The following KIAA0232 variants were observed in gnomAD, a reference collection of about 807,000 sequenced individuals.
The protein encoded by KIAA0232 is uncharacterized protein KIAA0232.
KIAA0232 carries 27 observed loss-of-function variants against 122.0 expected under a neutral mutation model. The observed-to-expected ratio is 0.22, with a 90% CI of 0.16 to 0.31. The LOEUF (loss-of-function observed/expected upper bound fraction) is 0.31, where lower values mean the gene tolerates loss of function less well. Among genes scored for constraint, KIAA0232 ranks in the 10% least tolerant of loss-of-function variants. The pLI, the probability that KIAA0232 is intolerant of heterozygous loss-of-function variation, is 1.00. For synonymous variants in KIAA0232, 613 were observed against 587.6 expected (o/e 1.04, Z -0.63); for missense variants, 1,551 against 1,634.2 (o/e 0.95, Z 0.88).
chr4:6,878,160 A>G lies in KIAA0232; in HGVS notation c.4008+1403A>G, dbSNP rs530418680. Among the ~76,000 whole-genome samples the G allele has an allele frequency of 4.6e-5, 7 of 152,330 alleles. No individual in the cohort carries two copies. The South Asian group carries it at 1.4e-3, about 32-fold the overall frequency. ...AAGGCCAAGGTGGGCAGATCACCTG[A>G]GGTCAGGAGTTCAAGACCAGCCTGG... On this transcript the variant is annotated intron_variant, in intron 9 of 9. Transcript: ENST00000307659.
intron 4 of KIAA0232, among the ~76,000 whole-genome samples, chr4:6,851,562 G>A (rs573378867): frequency 2.1e-3 from 322 of 151,582 alleles, no homozygotes; most frequent in African/African-American, 7.1e-3. Context: ...AAAAACAAAA[G>A]AAAAGCCAAG....
chr4:6,810,881 A>G (rs1179557491), intron 2 of KIAA0232, among the ~76,000 whole-genome samples: 1 of 152,218 alleles, frequency 6.6e-6, no homozygotes. Context: ...CCAGAATGAG[A>G]TGTCATCTTA....
At chr4:6,858,080 T>C (rs1333624222) in intron 5 of KIAA0232, among the ~76,000 whole-genome samples, 2 of 152,228 alleles carry the variant, frequency 1.3e-5, no homozygotes, top group Non-Finnish European at 2.9e-5. Flanking sequence ...GTGTAGAATT[T>C]TGTGAGAAAA....
At chr4:6,812,760 A>G (rs1717936907) in intron 2 of KIAA0232, among the ~76,000 whole-genome samples, 1 of 152,044 alleles carries the variant, frequency 6.6e-6, no homozygotes. Flanking sequence ...TCCACATTTT[A>G]CATTTTGCCC....
chr4:6,786,187 A>G (rs1355861851), intron 1 of KIAA0232, among the ~76,000 whole-genome samples: 2 of 152,250 alleles, frequency 1.3e-5, no homozygotes, highest in Non-Finnish European at 2.9e-5. Flanking sequence ...GTTAAATGTA[A>G]GTGTTTAAAT....
chr4:6,870,314 G>C (rs908037853), intron 7 of KIAA0232, among the ~76,000 whole-genome samples: 1 of 152,244 alleles, frequency 6.6e-6, no homozygotes, highest in Non-Finnish European at 1.5e-5. Context: ...GGCCTGGGCA[G>C]CTTCCAGATG....
chr4:6,877,816 C>T (rs1040237642), intron 9 of KIAA0232, among the ~76,000 whole-genome samples: 1 of 152,154 alleles, frequency 6.6e-6, no homozygotes, highest in African/African-American at 2.4e-5. Flanking sequence ...GCAACACCCC[C>T]ACAGACACAC....
At chr4:6,850,283 C>T (rs923353462) in intron 4 of KIAA0232, among the ~76,000 whole-genome samples, 1 of 152,172 alleles carries the variant, frequency 6.6e-6, no homozygotes, top group African/African-American at 2.4e-5. Context: ...GTTGGGGGCA[C>T]AGCTGGAGAC....
At chr4:6,833,881 T>C (rs748435256) in intron 3 of KIAA0232, among the ~76,000 whole-genome samples, 2 of 152,158 alleles carry the variant, frequency 1.3e-5, no homozygotes, top group Non-Finnish European at 2.9e-5. Flanking sequence ...ACCTTGACTT[T>C]TATCCCAAGT....
chr4:6,868,787 G>C (rs1293764237), intron 7 of KIAA0232, among the ~76,000 whole-genome samples: 2 of 152,154 alleles, frequency 1.3e-5, no homozygotes, highest in Non-Finnish European at 2.9e-5. Flanking sequence ...GTGGAGAGAT[G>C]TCATAACAAG....
At chr4:6,808,168 G>C (rs1245324061) in intron 2 of KIAA0232, among the ~76,000 whole-genome samples, 2 of 152,094 alleles carry the variant, frequency 1.3e-5, no homozygotes, top group African/African-American at 4.8e-5. Context: ...ATAGTATTTA[G>C]GATTTTGGTG....
At chr4:6,801,557 A>G (rs970335089) in intron 1 of KIAA0232, among the ~76,000 whole-genome samples, 7 of 150,976 alleles carry the variant, frequency 4.6e-5, no homozygotes, top group East Asian at 2.0e-4. Flanking sequence ...ATGGCCACAC[A>G]CTTGTCGTCT....
Position 6,871,669 on chromosome 4 carries a change from A to G in KIAA0232, c.3897A>G (p.Ala1299=). The change falls in exon 8 of 10, where the codon GCA becomes GCG. Residue 1299 remains alanine, a synonymous_variant. Coordinates refer to ENST00000307659, the MANE Select transcript of KIAA0232 (RefSeq NM_014743.3). ...CCTTGTACTCTCCTCTTTTTCCTGC[A>G]TCAGAGTGTGAAGGTAAGGAGACCT... ...EKALYSPLFP[A]SECEECYTNA... 6.2e-7 allele frequency: 1 copy of G among 1,602,660 alleles called. No homozygotes were observed. Among genetic ancestry groups the G allele is most frequent in the Non-Finnish European group, 8.5e-7 (1 of 1,170,134 alleles).
chr4:6,851,940 T>C (rs1194087017), intron 4 of KIAA0232, among the ~76,000 whole-genome samples: 4 of 152,200 alleles, frequency 2.6e-5, no homozygotes, highest in South Asian at 4.1e-4. Context: ...TACATCACCC[T>C]GCTAAAGAGC....
chr4:6,810,248 A>G (rs939506670), intron 2 of KIAA0232, among the ~76,000 whole-genome samples: 3 of 152,214 alleles, frequency 2.0e-5, no homozygotes, highest in African/African-American at 7.2e-5. Flanking sequence ...AATGGCACAG[A>G]ATAGAGAGTC....
intron 3 of KIAA0232, among the ~76,000 whole-genome samples, chr4:6,837,199 C>T (rs1479582647): frequency 5.3e-5 from 8 of 150,574 alleles, no homozygotes; most frequent in Non-Finnish European, 1.2e-4. Context: ...CCAGGCGGGG[C>T]GGCTGCCGGG....
intron 3 of KIAA0232, among the ~76,000 whole-genome samples, chr4:6,839,398 G>A (rs528717920): frequency 6.6e-6 from 1 of 152,156 alleles, no homozygotes; most frequent in Admixed American, 6.5e-5. Context: ...AACACTTTTT[G>A]TGTGTGTAAA....
chr4:6,820,738 G>A (rs558143000), intron 2 of KIAA0232, among the ~76,000 whole-genome samples: 2 of 152,048 alleles, frequency 1.3e-5, no homozygotes, highest in Non-Finnish European at 2.9e-5. Flanking sequence ...GTTATTTCTG[G>A]TGCTCTTTGT....
At chr4:6,836,386 T>C (rs1719271484) in intron 3 of KIAA0232, among the ~76,000 whole-genome samples, 1 of 151,208 alleles carries the variant, frequency 6.6e-6, no homozygotes, top group Admixed American at 6.6e-5. Flanking sequence ...AAAATTAGAA[T>C]ACACAGTTTG....
Sources: gnomAD v4.1 joint callset for allele counts (sites outside exome capture counted in the v4.1 genomes callset) on GRCh38, gnomAD v4.1.1 for gene constraint, MANE v1.5 for transcripts, NCBI Gene and HGNC (gene_info 2026-07-23, HGNC 2026-07-21) for gene names.